Variants in MAP3K7CL observed in about 807,000 individuals in gnomAD.
The protein encoded by MAP3K7CL is MAP3K7 C-terminal-like protein.
A neutral mutation model predicts 18.6 loss-of-function variants in MAP3K7CL; 16 were observed. That is an observed-to-expected ratio of 0.86 (90% confidence interval 0.58 to 1.31). MAP3K7CL has a LOEUF of 1.31. Ranked by LOEUF, MAP3K7CL falls within the 50% of genes most tolerant of loss-of-function variation. The probability of loss-of-function intolerance (pLI) is 0.00; values close to 1 mark genes in which losing one functional copy is unlikely to be tolerated. For missense variants in MAP3K7CL, 163 were observed against 174.4 expected (o/e 0.93, Z 0.37); for synonymous variants, 65 against 66.8 (o/e 0.97, Z 0.13).
intron 3 of MAP3K7CL, among the ~76,000 whole-genome samples, chr21:29,152,012 G>A (rs1360901143): frequency 6.6e-6 from 1 of 152,086 alleles, no homozygotes; most frequent in Non-Finnish European, 1.5e-5. Flanking sequence ...CTTAAAGTAT[G>A]ATAGTGCTTT....
intron 4 of MAP3K7CL, among the ~76,000 whole-genome samples, chr21:29,165,552 A>G (rs747397923): frequency 1.3e-5 from 2 of 152,000 alleles, no homozygotes; most frequent in African/African-American, 2.4e-5. Context: ...CTCATGTTAT[A>G]TATATTTTTA....
intron 4 of MAP3K7CL, among the ~76,000 whole-genome samples, chr21:29,095,339 T>C (rs1601140174): frequency 1.3e-5 from 2 of 152,144 alleles, no homozygotes; most frequent in Admixed American, 1.3e-4. Flanking sequence ...GCCTGTGGGC[T>C]ATAAAGAGGC....
chr21:29,133,873 A>G (rs1051047110), intron 2 of MAP3K7CL, among the ~76,000 whole-genome samples: 3 of 152,250 alleles, frequency 2.0e-5, no homozygotes, highest in Non-Finnish European at 4.4e-5. Context: ...GGCTAAATCA[A>G]CAGACTTCAG....
upstream of MAP3K7CL, among the ~76,000 whole-genome samples, chr21:29,130,077 G>T (rs2086750438): frequency 6.6e-6 from 1 of 152,070 alleles, no homozygotes; most frequent in Admixed American, 6.6e-5. Context: ...TATGTATTTT[G>T]CATATTTTCT....
At chr21:29,163,373 C>T (rs1568971081) in intron 4 of MAP3K7CL, among the ~76,000 whole-genome samples, 1 of 152,140 alleles carries the variant, frequency 6.6e-6, no homozygotes, top group Admixed American at 6.5e-5. Context: ...TTTTCTTTTT[C>T]GTAAAGTCTC....
At chr21:29,084,726 A>T (rs1366060172), upstream of MAP3K7CL, among the ~76,000 whole-genome samples, 1 of 152,196 alleles carries the variant, frequency 6.6e-6, no homozygotes, top group African/African-American at 2.4e-5. Context: ...TCGAGGTGAA[A>T]GTTAAATCAC....
chr21:29,085,467 A>C (rs1306492079), upstream of MAP3K7CL, among the ~76,000 whole-genome samples: 2 of 148,966 alleles, frequency 1.3e-5, no homozygotes, highest in East Asian at 4.0e-4. Flanking sequence ...GAATGGAGTG[A>C]ACCCGGGAGG....
intron 1 of MAP3K7CL, chr21:29,131,394 G>A (rs1161738734): frequency 1.3e-5 from 2 of 152,076 alleles, no homozygotes; most frequent in Admixed American, 1.3e-4. Context: ...TTTCTTTTTA[G>A]CTAAAATGTT....
chr21:29,138,813 T>TA (rs1024673226), intron 2 of MAP3K7CL, among the ~76,000 whole-genome samples: 19 of 151,952 alleles, frequency 1.3e-4, no homozygotes, highest in East Asian at 5.8e-4. Context: ...CCTATCTCTA[T>TA]AAAAAAAATC....
intron 4 of MAP3K7CL, among the ~76,000 whole-genome samples, chr21:29,172,949 T>C (rs2087879215): frequency 6.6e-6 from 1 of 151,884 alleles, no homozygotes; most frequent in Non-Finnish European, 1.5e-5. Context: ...TTTCATATTA[T>C]GTAGTGTCAG....
intron 4 of MAP3K7CL, among the ~76,000 whole-genome samples, chr21:29,101,253 G>C (rs991272308): frequency 1.3e-5 from 2 of 152,160 alleles, no homozygotes; most frequent in African/African-American, 4.8e-5. Flanking sequence ...GGAATCATTG[G>C]AGACCATTTT....
At chr21:29,094,277 C>A (rs1329970203) in intron 4 of MAP3K7CL, among the ~76,000 whole-genome samples, 3 of 152,216 alleles carry the variant, frequency 2.0e-5, no homozygotes, top group Admixed American at 2.0e-4. Flanking sequence ...CCCAAATGTC[C>A]ATAGTGCTGA....
chr21:29,087,651 C>T (rs1051230383), intron 1 of MAP3K7CL, among the ~76,000 whole-genome samples: 11 of 139,166 alleles, frequency 7.9e-5, no homozygotes, highest in African/African-American at 3.0e-4. Context: ...TGAAGTGCAG[C>T]GGCGCGATCT....
At chr21:29,092,336 A>C in intron 3 of MAP3K7CL, 1 of 1,374,766 alleles carries the variant, frequency 7.3e-7, no homozygotes, top group Non-Finnish European at 1.0e-6. Context: ...AGGAGGCAAG[A>C]GGTTTCAATT....
Position 29,130,741 on chromosome 21 carries a change from C to G in MAP3K7CL, c.-222C>G, listed in dbSNP as rs978735172. 2.0e-6 allele frequency: 2 copies of G among 985,428 alleles called. No homozygotes were observed. Among genetic ancestry groups the G allele is most frequent in the African/African-American group, 3.5e-5 (2 of 57,236 alleles). 61.0% of individuals were successfully genotyped at this position (985,428 alleles called of 1,614,324 possible). On this transcript the variant is annotated 5_prime_UTR_variant, in exon 1 of 5. Coordinates refer to ENST00000399928, the MANE Select transcript of MAP3K7CL (RefSeq NM_001286620.2). ...GGGAGGTCCCGTGGGACGCTGGGGT[C>G]TGGGGCAGAGCAGGTAGCAGCGTGC...
chr21:29,109,485 G>A lies in MAP3K7CL; in HGVS notation c.370+16904G>A, dbSNP rs907427060. 70 of 1,122,348 alleles carry A rather than the reference G, an allele frequency of 6.2e-5. 1 individual carries two copies. In the Admixed American group the frequency reaches 3.1e-3, roughly 50 times the overall value. 69.5% of individuals were successfully genotyped at this position (1,122,348 alleles called of 1,614,324 possible). A position where few individuals can be genotyped will look rare whatever the true frequency, so the allele number is the denominator to read the frequency against. On this transcript the variant is annotated intron_variant, in intron 4 of 6. Transcript: ENST00000286791. ...ATCTCAGCATTCGGTTGTTCTCTTT[G>A]TTAACAGTTGTTGGCAGAGATACAG...
intron 3 of MAP3K7CL, among the ~76,000 whole-genome samples, chr21:29,158,025 CT>C (rs966379885): frequency 1.3e-5 from 2 of 152,168 alleles, no homozygotes; most frequent in Non-Finnish European, 2.9e-5. Context: ...CTTGTTTCAA[CT>C]GAGTATAGCC....
intron 4 of MAP3K7CL, among the ~76,000 whole-genome samples, chr21:29,118,324 A>G (rs1312729170): frequency 7.2e-6 from 1 of 138,664 alleles, no homozygotes; most frequent in Non-Finnish European, 1.5e-5. Context: ...ACCTCAGGTG[A>G]TTTGCCTGCC....
At chr21:29,096,782 T>A (rs1009230198) in intron 4 of MAP3K7CL, among the ~76,000 whole-genome samples, 5 of 152,166 alleles carry the variant, frequency 3.3e-5, no homozygotes, top group African/African-American at 1.2e-4. Context: ...GGCAGAGAAA[T>A]GAAATCATCC....
Sources: gnomAD v4.1 joint callset for allele counts (sites outside exome capture counted in the v4.1 genomes callset) on GRCh38, gnomAD v4.1.1 for gene constraint, MANE v1.5 for transcripts, NCBI Gene and HGNC (gene_info 2026-07-23, HGNC 2026-07-21) for gene names.